SPOP: variants seen among roughly 807,000 people sequenced by gnomAD.
SPOP encodes the protein speckle type BTB/POZ protein.
SPOP carries 11 observed loss-of-function variants against 45.6 expected under a neutral mutation model. That is an observed-to-expected ratio of 0.24 (90% CI 0.15 to 0.40). SPOP has a LOEUF of 0.40. Ranked by LOEUF, SPOP falls within the 10% of genes least tolerant of loss-of-function variation. The pLI is 1.00. For synonymous variants in SPOP, 166 were observed against 166.3 expected (o/e 1.00, Z 0.01); for missense variants, 152 against 465.6 (o/e 0.33, Z 6.20).
chr17:49,629,687 T>C (rs1432101048), intron 1 of SPOP, among the ~76,000 whole-genome samples: 1 of 152,228 alleles, frequency 6.6e-6, no homozygotes, highest in Non-Finnish European at 1.5e-5. Flanking sequence ...GAACACCCTC[T>C]GAAAAGTGTT....
chr17:49,599,392 A>C lies in SPOP; in HGVS notation c.*986T>G, dbSNP rs1262011874. On this transcript the variant is annotated 3_prime_UTR_variant, in exon 10 of 10. Coordinates refer to ENST00000504102, the MANE Select transcript of SPOP (RefSeq NM_001007228.2). ...GAAGGAACAGAACTGGCTCCTATGC[A>C]GGCGGCAAGTCAGGTACAAACAGCT... The C allele has an allele frequency of 4.4e-6, 1 of 225,614 alleles. No individual in the cohort carries two copies. Among genetic ancestry groups the C allele is most frequent in the Non-Finnish European group, 8.8e-6 (1 of 113,038 alleles). The allele number at this position is 225,614 out of a possible 1,614,324, so 14.0% of individuals were successfully genotyped here.
chr17:49,619,655 TC>T lies in SPOP; in HGVS notation c.201-271del, dbSNP rs1328110477. Among the ~76,000 whole-genome samples the T allele has an allele frequency of 6.6e-6, 1 of 152,026 alleles. No homozygotes were observed. The highest frequency in any genetic ancestry group is 1.5e-5 in the Non-Finnish European group (1 of 67,994). ...CTCAGGTGATCCTCCCACCCCAGCC[TC>T]CCGAGTAGCGGGGACTACAGATGTG... On this transcript the variant is annotated intron_variant, in intron 3 of 9. Coordinates refer to ENST00000504102, the MANE Select transcript of SPOP (RefSeq NM_001007228.2). The surrounding 1 kb of genome is among the most constrained non-coding windows in gnomAD (Gnocchi z 4.9).
rs2143086584 is a variant in SPOP, at chr17:49,599,061, T to C, written c.*1317A>G. 1 of 206,680 alleles carries C rather than the reference T, an allele frequency of 4.8e-6. No homozygotes were observed. The highest frequency in any genetic ancestry group is 2.3e-5 in the African/African-American group (1 of 43,900). The allele number at this position is 206,680 out of a possible 1,614,324, so 12.8% of individuals were successfully genotyped here. A position where few individuals can be genotyped will look rare whatever the true frequency, so the allele number is the denominator to read the frequency against. ...AGGGGCCTGATCCCTCATCAGGATATGGACTGTGAGATACTCAGGGAGGAC... is the reference window on the plus strand; with the variant it reads ...AGGGGCCTGATCCCTCATCAGGATACGGACTGTGAGATACTCAGGGAGGAC... On this transcript the variant is annotated 3_prime_UTR_variant, in exon 10 of 10. Transcript: ENST00000504102.
chr17:49,663,601 CTGGGAAG>C (rs1330583676), intron 1 of SPOP, among the ~76,000 whole-genome samples: 1 of 150,456 alleles, frequency 6.6e-6, no homozygotes. Context: ...TGTAAAAAAA[CTGGGAAG>C]TATGCATAAA....
At chr17:49,636,075 T>C (rs1259490982) in intron 1 of SPOP, 1 of 152,340 alleles carries the variant, frequency 6.6e-6, no homozygotes, top group Non-Finnish European at 1.5e-5. Flanking sequence ...TATGGCTCAC[T>C]GCAGCCTAGA....
chr17:49,617,923 CAAAAAAAAAAA>C (rs907445153), intron 5 of SPOP, among the ~76,000 whole-genome samples: 72 of 55,894 alleles, frequency 1.3e-3, no homozygotes, highest in African/African-American at 4.4e-3. Context: ...GACTCCGTCT[CAAAAAAAAAAA>C]AAAAAAAAAG....
At chr17:49,659,163 A>G (rs117301606) in intron 1 of SPOP, among the ~76,000 whole-genome samples, 1,896 of 152,280 alleles carry the variant, frequency 0.012, 23 homozygotes, top group Admixed American at 0.051. Context: ...GGATGTTGCT[A>G]TTTTCATAAA....
intron 1 of SPOP, among the ~76,000 whole-genome samples, chr17:49,677,537 C>T (rs1437030375): frequency 6.6e-6 from 1 of 152,258 alleles, no homozygotes; most frequent in Non-Finnish European, 1.5e-5. Flanking sequence ...GCTCTTTATC[C>T]CGCAGGTCCC....
chr17:49,671,427 T>C (rs2073134338), intron 1 of SPOP, among the ~76,000 whole-genome samples: 1 of 151,928 alleles, frequency 6.6e-6, no homozygotes, highest in Non-Finnish European at 1.5e-5. Flanking sequence ...GTTCTGCATC[T>C]AGGACGGGAA....
At chr17:49,661,718 TA>T (rs2072989825) in intron 1 of SPOP, among the ~76,000 whole-genome samples, 1 of 152,328 alleles carries the variant, frequency 6.6e-6, no homozygotes, top group South Asian at 2.1e-4. Context: ...TTCTCTACCA[TA>T]AAACATATTT....
chr17:49,665,340 C>A (rs892155689), intron 1 of SPOP, among the ~76,000 whole-genome samples: 1 of 152,008 alleles, frequency 6.6e-6, no homozygotes, highest in Non-Finnish European at 1.5e-5. Context: ...TGGGGCCCGG[C>A]GCAGTGGCAC....
At chr17:49,665,658 ACACACACAC>A (rs2073047221) in intron 1 of SPOP, among the ~76,000 whole-genome samples, 1 of 73,608 alleles carries the variant, frequency 1.4e-5, no homozygotes, top group Non-Finnish European at 2.8e-5. Flanking sequence ...AGACACACAC[ACACACACAC>A]ACACACACAC....
chr17:49,672,487 G>GCGAGGAGCAAAGAAA (rs1473372231), intron 1 of SPOP, among the ~76,000 whole-genome samples: 1 of 152,202 alleles, frequency 6.6e-6, no homozygotes, highest in Admixed American at 6.5e-5. Context: ...CTATGATGCA[G>GCGAGGAGCAAAGAAA]CGAGGAGCAA....
intron 9 of SPOP, chr17:49,601,339 C>A (rs147492833): frequency 0.035 from 5,326 of 152,190 alleles, 114 homozygotes; most frequent in Admixed American, 0.064. Flanking sequence ...CTTATTATTT[C>A]ATATTATTAT....
chr17:49,641,713 A>C (rs2072654661), intron 1 of SPOP, among the ~76,000 whole-genome samples: 1 of 152,106 alleles, frequency 6.6e-6, no homozygotes, highest in Non-Finnish European at 1.5e-5. Flanking sequence ...ATACAAACAT[A>C]TTTTCCCTTA....
At position 49,619,221 on chromosome 17, in the gene SPOP, G is replaced by A. The variant is rs1457602827; in HGVS notation, c.352+13C>T. 3.1e-6 allele frequency: 5 copies of A among 1,613,688 alleles called. No homozygotes were observed. In the South Asian group the frequency reaches 3.3e-5, roughly 11 times the overall value. Reference sequence around the variant, plus strand: ...GTGAAACTTAAGAGTTGAACAAAGAGGAGAACATTTACCCATAGCTTTGGT... The same window carrying A: ...GTGAAACTTAAGAGTTGAACAAAGAAGAGAACATTTACCCATAGCTTTGGT... On this transcript the variant is annotated intron_variant, in intron 4 of 9. Coordinates refer to ENST00000504102, the MANE Select transcript of SPOP (RefSeq NM_001007228.2). The surrounding 1 kb of genome is among the most constrained non-coding windows in gnomAD (Gnocchi z 4.9).
chr17:49,665,660 AC>A (rs2073047378), intron 1 of SPOP, among the ~76,000 whole-genome samples: 4 of 79,112 alleles, frequency 5.1e-5, no homozygotes, highest in Admixed American at 3.8e-4. Flanking sequence ...ACACACACAC[AC>A]ACACACACAC....
chr17:49,622,783 G>C lies in SPOP; in HGVS notation c.28C>G (p.Pro10Ala), dbSNP rs752686914. Residue 10 changes from proline (P) to alanine (A), a missense_variant, in exon 2 of 10, where the codon CCG becomes GCG. Transcript: ENST00000504102. ...ACGGGGCCACTCGACATTTCTGCCG[G>C]AGGTGGAGGACTTGGAACCCTTGAC... MSRVPSPPP[P>A]AEMSSGPVAE... The C allele has an allele frequency of 6.2e-7, 1 of 1,614,184 alleles. No individual in the cohort carries two copies.
At chr17:49,620,184 A>AAAAAG (rs2072191292) in intron 3 of SPOP, among the ~76,000 whole-genome samples, 1 of 146,694 alleles carries the variant, frequency 6.8e-6, no homozygotes, top group South Asian at 2.2e-4. Context: ...AAAGAAAAAG[A>AAAAAG]AAAAAAAAAG....
Sources: gnomAD v4.1 joint callset for allele counts (sites outside exome capture counted in the v4.1 genomes callset) on GRCh38, gnomAD v4.1.1 for gene constraint, Gnocchi (gnomAD v3.1) non-coding constraint, MANE v1.5 for transcripts, NCBI Gene and HGNC (gene_info 2026-07-23, HGNC 2026-07-21) for gene names.